Variants in DOK7 observed in about 807,000 individuals in gnomAD.
DOK7 encodes protein Dok-7.
Under a neutral mutation model 30.7 loss-of-function variants are expected in DOK7, and 32 were observed. That is an observed-to-expected ratio of 1.04 (90% CI 0.79 to 1.40). DOK7 has a LOEUF of 1.40. Ranked by LOEUF, DOK7 falls within the 40% of genes most tolerant of loss-of-function variation. The pLI is 0.00. For missense variants in DOK7, 1,007 were observed against 699.2 expected, an observed-to-expected ratio of 1.44 and a Z score of -4.97; for synonymous variants, 447 against 324.1, an observed-to-expected ratio of 1.38 and a Z score of -4.07.
At chr4:3,472,924 G>A (rs950531287) in intron 2 of DOK7, among the ~76,000 whole-genome samples, 2 of 152,206 alleles carry the variant, frequency 1.3e-5, no homozygotes, top group African/African-American at 2.4e-5. Flanking sequence ...GAACCAGGAG[G>A]GGCGGTGGGT....
chr4:3,478,925 G>A (rs542422657), intron 4 of DOK7, among the ~76,000 whole-genome samples: 1 of 152,320 alleles, frequency 6.6e-6, no homozygotes, highest in Non-Finnish European at 1.5e-5. Flanking sequence ...GGGAGTCTGC[G>A]GCACGTGTGG....
At chr4:3,481,311 T>C (rs1272384283) in intron 4 of DOK7, among the ~76,000 whole-genome samples, 1 of 151,834 alleles carries the variant, frequency 6.6e-6, no homozygotes, top group Admixed American at 6.6e-5. Flanking sequence ...AAGGTTCTGA[T>C]TGAGGTCCAG....
At chr4:3,492,535 A>C (rs1356868885) in intron 6 of DOK7, among the ~76,000 whole-genome samples, 1 of 152,072 alleles carries the variant, frequency 6.6e-6, no homozygotes, top group African/African-American at 2.4e-5. Context: ...GTAGGAGAAC[A>C]GGTGGCAGAA....
chr4:3,500,981 G>GC (rs1729159094), exon 8 of DOK7: 4 of 1,227,964 alleles, frequency 3.3e-6, no homozygotes, highest in East Asian at 2.6e-5. Flanking sequence ...GTGCAAACAG[G>GC]AAGTTTTCAG....
At chr4:3,476,715 G>T (rs993655277) in intron 4 of DOK7, among the ~76,000 whole-genome samples, 173 bp downstream of exon 4, 1 of 152,182 alleles carries the variant, frequency 6.6e-6, no homozygotes, top group Admixed American at 6.5e-5. Context: ...TCCTCTGCCC[G>T]CAGGAACCTC....
downstream of DOK7, among the ~76,000 whole-genome samples, chr4:3,495,057 A>G (rs2109430928): frequency 6.6e-6 from 1 of 152,142 alleles, no homozygotes; most frequent in Admixed American, 6.5e-5. Flanking sequence ...TTGGGGACTG[A>G]GTTTGGGCCA....
intron 6 of DOK7, chr4:3,500,155 G>A: frequency 3.4e-5 from 48 of 1,412,926 alleles, no homozygotes; most frequent in Non-Finnish European, 4.4e-5. Flanking sequence ...GTGGGGAGGA[G>A]GGGCTAGGCA....
intron 2 of DOK7, among the ~76,000 whole-genome samples, chr4:3,467,662 G>A (rs868773008): frequency 6.6e-6 from 1 of 152,200 alleles, no homozygotes; most frequent in Non-Finnish European, 1.5e-5. Flanking sequence ...GTGTAAGAGT[G>A]AATGTGTGAG....
downstream of DOK7, chr4:3,494,525 G>A (rs931685273): frequency 6.1e-6 from 6 of 985,442 alleles, no homozygotes; most frequent in African/African-American, 1.7e-5. Flanking sequence ...CCGCCTCCTC[G>A]CCCACCCTCC....
At chr4:3,483,688 C>T (rs1470339008) in intron 4 of DOK7, among the ~76,000 whole-genome samples, 1 of 152,208 alleles carries the variant, frequency 6.6e-6, no homozygotes, top group Non-Finnish European at 1.5e-5. Context: ...TGTCCCGTGG[C>T]CACTGCCAGC....
At chr4:3,467,187 A>ACC (rs397740016) in intron 2 of DOK7, among the ~76,000 whole-genome samples, 31,618 of 142,042 alleles carry the variant, frequency 0.22, 3,599 homozygotes, top group East Asian at 0.44. Context: ...GTGGGCGGGG[A>ACC]CCCCCCCCAC....
At chr4:3,468,322 G>C (rs1198650268) in intron 2 of DOK7, among the ~76,000 whole-genome samples, 2 of 136,066 alleles carry the variant, frequency 1.5e-5, no homozygotes, top group African/African-American at 5.8e-5. Flanking sequence ...GAATACCTGT[G>C]TGTGCGAGTG....
chr4:3,486,172 C>T (rs994692500), intron 5 of DOK7, among the ~76,000 whole-genome samples: 5 of 152,200 alleles, frequency 3.3e-5, no homozygotes, highest in Non-Finnish European at 5.9e-5. Flanking sequence ...GAGGGGGTCT[C>T]GTCTTGTCTC....
At chr4:3,482,177 A>G (rs532758926) in intron 4 of DOK7, among the ~76,000 whole-genome samples, 37 of 152,166 alleles carry the variant, frequency 2.4e-4, no homozygotes, top group African/African-American at 7.9e-4. Context: ...CTTACCCTCT[A>G]ACAGCTGAGC....
chr4:3,492,447 G>C (rs1445038682), intron 6 of DOK7, among the ~76,000 whole-genome samples: 1 of 152,100 alleles, frequency 6.6e-6, no homozygotes, highest in African/African-American at 2.4e-5. Flanking sequence ...TAGGCAGGGA[G>C]GGTGGGGAGC....
At chr4:3,470,644 A>C (rs1352852560) in intron 2 of DOK7, among the ~76,000 whole-genome samples, 5 of 152,194 alleles carry the variant, frequency 3.3e-5, no homozygotes, top group Non-Finnish European at 5.9e-5. Context: ...GAGTCGGCTC[A>C]CTGTGGTCTC....
chr4:3,485,354 C>T (rs1727700171), intron 4 of DOK7, 185 bp from the exon 5 acceptor site: 4 of 776,520 alleles, frequency 5.2e-6, no homozygotes, highest in Non-Finnish European at 7.5e-6. Context: ...GGGGTGTCGG[C>T]TCTGGGCACC....
intron 2 of DOK7, among the ~76,000 whole-genome samples, chr4:3,468,061 C>T (rs542170970): frequency 5.3e-5 from 8 of 152,320 alleles, no homozygotes; most frequent in Admixed American, 2.0e-4. Flanking sequence ...CATGAGTGCA[C>T]GCTTCTGTGT....
chr4:3,466,033 C>T (rs1726242299), intron 2 of DOK7, among the ~76,000 whole-genome samples: 1 of 152,184 alleles, frequency 6.6e-6, no homozygotes, highest in Non-Finnish European at 1.5e-5. Flanking sequence ...AGGGGCTGCC[C>T]CTGGGGGCTT....
Sources: allele counts gnomAD v4.1 joint callset (sites outside exome capture counted in the v4.1 genomes callset), GRCh38; gene constraint gnomAD v4.1.1; transcripts MANE v1.5; gene names NCBI Gene and HGNC (gene_info 2026-07-23, HGNC 2026-07-21).